The following PDE1C variants were observed in gnomAD, a reference collection of about 807,000 sequenced individuals.
The protein encoded by PDE1C is dual specificity calcium/calmodulin-dependent 3',5'-cyclic nucleotide phosphodiesterase 1C.
In PDE1C, 62 loss-of-function variants were observed where a neutral mutation model predicts 93.1. That is an observed-to-expected ratio of 0.67 (90% CI 0.54 to 0.82). The LOEUF (loss-of-function observed/expected upper bound fraction) is 0.82. Ranked by LOEUF, PDE1C falls within the 40% of genes least tolerant of loss-of-function variation. The pLI is 0.00. For synonymous variants in PDE1C, 325 were observed against 310.1 expected (o/e 1.05, Z -0.50); for missense variants, 742 against 884.6 (o/e 0.84, Z 2.04).
At chr7:32,027,434 CTGTT>C (rs989166432) in intron 2 of PDE1C, among the ~76,000 whole-genome samples, 5 of 151,854 alleles carry the variant, frequency 3.3e-5, no homozygotes, top group East Asian at 1.9e-4. Context: ...GTGTGGGTTT[CTGTT>C]TGTTTGTGCT....
intron 2 of PDE1C, among the ~76,000 whole-genome samples, chr7:32,204,538 C>T (rs983056661): frequency 6.6e-6 from 1 of 152,178 alleles, no homozygotes; most frequent in Non-Finnish European, 1.5e-5. Flanking sequence ...CTGAATGCAG[C>T]GTCTTTTACG....
the PDE1C span, chr7:31,643,807 C>A: frequency 1.2e-6 from 2 of 1,613,976 alleles, no homozygotes; most frequent in African/African-American, 1.3e-5. Context: ...TCATCACCAC[C>A]CTCACTGCCA....
At chr7:31,917,603 G>C (rs1227950472) in intron 2 of PDE1C, among the ~76,000 whole-genome samples, 1 of 150,920 alleles carries the variant, frequency 6.6e-6, no homozygotes, top group Non-Finnish European at 1.5e-5. Flanking sequence ...TATAGCAACT[G>C]AATGAAAAAA....
chr7:31,733,229 C>T, the PDE1C span, among the ~76,000 whole-genome samples: 8 of 152,148 alleles, frequency 5.3e-5, no homozygotes, highest in South Asian at 4.1e-4. Context: ...GTAACATCTG[C>T]GGCCCATGAT....
rs569671103 is a variant in PDE1C, at chr7:32,262,942, C to T, written c.85+35709G>A. 1.8e-3 allele frequency among the ~76,000 whole-genome samples: 267 copies of T among 152,282 alleles called. 2 individuals are homozygous for T. Among genetic ancestry groups the T allele is most frequent in the Non-Finnish European group, 2.7e-3 (185 of 68,032 alleles). On this transcript the variant is annotated intron_variant, in intron 1 of 18. Transcript: ENST00000396193. ...CCTCACTTACAAAGTTCATTTCATT[C>T]AAGACTCTACAAAATTTAGATTCTT...
chr7:31,789,068 T>C (rs1018169899), intron 16 of PDE1C: 5 of 152,142 alleles, frequency 3.3e-5, no homozygotes, highest in African/African-American at 1.2e-4. Flanking sequence ...CCCCACTTCA[T>C]CATCAGCATA....
the PDE1C span, among the ~76,000 whole-genome samples, chr7:31,710,652 T>A: frequency 6.6e-6 from 1 of 152,246 alleles, no homozygotes; most frequent in East Asian, 1.9e-4. Context: ...GGTTACATGA[T>A]GGATTTTGTA....
chr7:31,996,066 GACACACACACACACACACAC>G (rs3078631), intron 2 of PDE1C, among the ~76,000 whole-genome samples: 19 of 138,560 alleles, frequency 1.4e-4, no homozygotes, highest in African/African-American at 4.3e-4. Context: ...TACGCTTCCG[GACACACACACACACACACAC>G]ACACACACAC....
intron 9 of PDE1C, among the ~76,000 whole-genome samples, chr7:31,840,840 A>C (rs1791772312): frequency 6.6e-6 from 1 of 152,162 alleles, no homozygotes; most frequent in Non-Finnish European, 1.5e-5. Flanking sequence ...TGGAATCAAG[A>C]AATATGAGTC....
chr7:31,917,795 T>G (rs1160321777), intron 2 of PDE1C, among the ~76,000 whole-genome samples: 1 of 152,216 alleles, frequency 6.6e-6, no homozygotes, highest in Non-Finnish European at 1.5e-5. Context: ...TATATAATCA[T>G]GATGCTTGAT....
At chr7:32,275,965 C>T (rs760859021) in intron 1 of PDE1C, among the ~76,000 whole-genome samples, 1 of 152,162 alleles carries the variant, frequency 6.6e-6, no homozygotes, top group African/African-American at 2.4e-5. Flanking sequence ...ACCAGCTTAT[C>T]GAGTTGGCAT....
chr7:31,664,946 C>G, the PDE1C span, among the ~76,000 whole-genome samples: 2 of 152,304 alleles, frequency 1.3e-5, no homozygotes, highest in African/African-American at 2.4e-5. Flanking sequence ...CATTGGCCAC[C>G]TACTTAAGAA....
intron 1 of PDE1C, among the ~76,000 whole-genome samples, chr7:32,386,296 G>C (rs1052451604): frequency 9.4e-6 from 1 of 106,296 alleles, no homozygotes; most frequent in Non-Finnish European, 1.9e-5. Flanking sequence ...TCATCACTTA[G>C]TTAATAATTT....
intron 1 of PDE1C, among the ~76,000 whole-genome samples, chr7:32,247,251 G>A (rs1809031721): frequency 8.2e-6 from 1 of 121,962 alleles, no homozygotes; most frequent in Admixed American, 8.0e-5. Context: ...TTGAAGCAGT[G>A]GCCACAGACC....
At chr7:32,070,725 T>G (rs2128727164), upstream of PDE1C, 1 of 1,140,064 alleles carries the variant, frequency 8.8e-7, no homozygotes. Flanking sequence ...CTATTCGTAT[T>G]CTCCCCCTAC....
intron 1 of PDE1C, among the ~76,000 whole-genome samples, chr7:32,407,004 G>A (rs546286442): frequency 5.9e-5 from 9 of 152,276 alleles, no homozygotes; most frequent in East Asian, 5.8e-4. Flanking sequence ...GGCCGGGCGC[G>A]GTGGCTCATG....
intron 2 of PDE1C, among the ~76,000 whole-genome samples, chr7:32,179,496 T>C (rs1803243731): frequency 6.6e-6 from 1 of 152,122 alleles, no homozygotes; most frequent in African/African-American, 2.4e-5. Context: ...CCTGACCTCG[T>C]GATCCGCCTG....
chr7:31,789,847 T>C (rs1562798744), intron 16 of PDE1C: 1 of 1,015,506 alleles, frequency 9.8e-7, no homozygotes, highest in Non-Finnish European at 1.2e-6. Context: ...GCAATTACTG[T>C]GTGTGTGGCT....
chr7:32,135,516 A>T (rs1055621843), intron 3 of PDE1C, among the ~76,000 whole-genome samples: 1 of 152,204 alleles, frequency 6.6e-6, no homozygotes, highest in East Asian at 1.9e-4. Flanking sequence ...AAGGTATAAA[A>T]ACTGGTGTTC....
Sources: gnomAD v4.1 joint callset for allele counts (sites outside exome capture counted in the v4.1 genomes callset) on GRCh38, gnomAD v4.1.1 for gene constraint, MANE v1.5 for transcripts, NCBI Gene and HGNC (gene_info 2026-07-23, HGNC 2026-07-21) for gene names.